The following RAPGEF6 variants were observed in gnomAD, a reference collection of about 807,000 sequenced individuals.
RAPGEF6 encodes PDZ domain containing guanine nucleotide exchange factor (GEF) 2.
Under a neutral mutation model 171.4 loss-of-function variants are expected in RAPGEF6, and 56 were observed. The ratio of observed to expected loss-of-function variants is 0.33; its 90% confidence interval spans 0.26 to 0.41. RAPGEF6 has a LOEUF of 0.41. RAPGEF6 is among the 10% of genes least tolerant of loss of function. The pLI is 1.00. For synonymous variants in RAPGEF6, 692 were observed against 650.1 expected (o/e 1.06, Z -0.98); for missense variants, 1,674 against 1,921.4 (o/e 0.87, Z 2.41).
At chr5:131,479,429 C>G in intron 16 of RAPGEF6, 84 bp downstream of exon 16, 1 of 1,486,928 alleles carries the variant, frequency 6.7e-7, no homozygotes, top group Non-Finnish European at 9.1e-7. Flanking sequence ...CAAAGCAAAA[C>G]TTACCCAAGC....
intron 6 of RAPGEF6, chr5:131,532,859 T>C (rs1759489637): frequency 6.6e-6 from 1 of 152,616 alleles, no homozygotes; most frequent in South Asian, 2.1e-4. Context: ...GATTTAAGTC[T>C]AGCTTTTCTG....
intron 10 of RAPGEF6, among the ~76,000 whole-genome samples, chr5:131,505,089 C>CTT (rs139194563): frequency 7.0e-6 from 1 of 143,670 alleles, no homozygotes; most frequent in African/African-American, 2.5e-5. Context: ...TATTTCTTTC[C>CTT]TTTTTTTTTT....
intron 6 of RAPGEF6, chr5:131,532,208 T>C (rs958968619): frequency 9.7e-6 from 4 of 410,716 alleles, no homozygotes; most frequent in African/African-American, 4.2e-5. Flanking sequence ...CAGTGATGAG[T>C]ACGGTGATAA....
At chr5:131,456,173 G>A (rs1753482597) in intron 19 of RAPGEF6, among the ~76,000 whole-genome samples, 161 bp from the exon 20 acceptor site, 1 of 152,028 alleles carries the variant, frequency 6.6e-6, no homozygotes. Context: ...AAATAAATAA[G>A]AGACTCCCTG....
chr5:131,586,276 T>C (rs1763249538), intron 4 of RAPGEF6, among the ~76,000 whole-genome samples: 3 of 152,174 alleles, frequency 2.0e-5, no homozygotes, highest in Non-Finnish European at 4.4e-5. Context: ...ATTCAGAATA[T>C]ATAAAAAATT....
intron 4 of RAPGEF6, among the ~76,000 whole-genome samples, chr5:131,563,218 A>G (rs920716990): frequency 2.6e-5 from 4 of 152,116 alleles, no homozygotes; most frequent in Non-Finnish European, 5.9e-5. Context: ...ACATATAAAT[A>G]TTACTCCAAA....
chr5:131,558,362 T>C (rs776811931), intron 5 of RAPGEF6, among the ~76,000 whole-genome samples: 61 of 152,152 alleles, frequency 4.0e-4, no homozygotes, highest in South Asian at 1.4e-3. Flanking sequence ...ATACTGATTG[T>C]ATGACATGTT....
intron 5 of RAPGEF6, among the ~76,000 whole-genome samples, chr5:131,556,361 C>T (rs1761236580): frequency 6.6e-6 from 1 of 152,056 alleles, no homozygotes; most frequent in African/African-American, 2.4e-5. Flanking sequence ...GAGCCGAGAT[C>T]ATGCCACTGC....
At chr5:131,589,960 C>G (rs1031979900) in intron 4 of RAPGEF6, among the ~76,000 whole-genome samples, 3 of 152,184 alleles carry the variant, frequency 2.0e-5, no homozygotes, top group African/African-American at 7.2e-5. Flanking sequence ...CATTCTTCAA[C>G]CAAGTCTCAA....
intron 6 of RAPGEF6, among the ~76,000 whole-genome samples, chr5:131,533,480 T>C (rs1215912823): frequency 1.3e-5 from 2 of 152,088 alleles, no homozygotes; most frequent in East Asian, 1.9e-4. Context: ...AGATGTCACA[T>C]GTATTTGTTA....
chr5:131,466,154 T>C (rs1424405809), intron 17 of RAPGEF6, among the ~76,000 whole-genome samples: 1 of 149,296 alleles, frequency 6.7e-6, no homozygotes, highest in Non-Finnish European at 1.5e-5. Context: ...TGAATATACA[T>C]GAATATAATT....
chr5:131,430,168 C>T (rs972825189), intron 26 of RAPGEF6, among the ~76,000 whole-genome samples: 4 of 151,804 alleles, frequency 2.6e-5, no homozygotes, highest in Non-Finnish European at 5.9e-5. Flanking sequence ...TAGTTAAATG[C>T]GACACCATGA....
intron 3 of RAPGEF6, 34 bp downstream of exon 3, chr5:131,603,237 G>T (rs762602462): frequency 3.5e-6 from 5 of 1,436,264 alleles, no homozygotes; most frequent in Non-Finnish European, 3.9e-6. Context: ...AAACATAAAA[G>T]TCATTAGTTT....
chr5:131,481,038 T>G (rs547936443), intron 15 of RAPGEF6, among the ~76,000 whole-genome samples: 5 of 151,928 alleles, frequency 3.3e-5, no homozygotes, highest in African/African-American at 1.2e-4. Context: ...TTCAAGAGGT[T>G]ATCCTGCCTC....
intron 4 of RAPGEF6, among the ~76,000 whole-genome samples, chr5:131,576,791 G>T (rs945764085): frequency 2.6e-5 from 4 of 152,044 alleles, no homozygotes; most frequent in African/African-American, 9.7e-5. Context: ...TGCCTCACAG[G>T]CTCATTCTAT....
chr5:131,509,171 T>C (rs1348745478), intron 8 of RAPGEF6, among the ~76,000 whole-genome samples: 2 of 152,232 alleles, frequency 1.3e-5, no homozygotes, highest in African/African-American at 4.8e-5. Context: ...CATTAACATC[T>C]TTAGTATCAT....
chr5:131,466,192 A>ATGT (rs1268943760), intron 17 of RAPGEF6, among the ~76,000 whole-genome samples: 3 of 151,862 alleles, frequency 2.0e-5, no homozygotes, highest in Non-Finnish European at 4.4e-5. Flanking sequence ...TAGCCAACAT[A>ATGT]TGTTGAATGT....
rs750037216 is a variant in RAPGEF6 at position 131,510,508 on chromosome 5, T to C, written c.628-17A>G. The C allele has an allele frequency of 3.7e-6, 6 of 1,605,554 alleles. No individual in the cohort carries two copies. Among genetic ancestry groups the C allele is most frequent in the Non-Finnish European group, 5.1e-6 (6 of 1,175,974 alleles). On this transcript the variant is annotated splice_polypyrimidine_tract_variant and intron_variant, in intron 7 of 27. Transcript: ENST00000509018. ...CTCCGTAGCCTATGAAAAGAAATCT[T>C]GATCACTTACCATTTCATGTAAAAA...
chr5:131,433,495 G>T lies in RAPGEF6; in HGVS notation c.3909C>A (p.Ser1303=). 6.2e-7 allele frequency: 1 copy of T among 1,613,922 alleles called. No homozygotes were observed. The highest frequency in any genetic ancestry group is 1.1e-5 in the South Asian group (1 of 91,062). The change falls in exon 25 of 28, where the codon TCC becomes TCA. Residue 1303 remains serine, a synonymous_variant. Transcript: ENST00000509018. ...CSSQALAVPE[S]TGALEKTEHA... ...GCTCTGTCTTTTCCAATGCCCCAGTGGATTCAGGGACTGCCAGGGCCTGAG... is the reference window on the plus strand; with the variant it reads ...GCTCTGTCTTTTCCAATGCCCCAGTTGATTCAGGGACTGCCAGGGCCTGAG...
Sources: gnomAD v4.1 joint callset for allele counts (sites outside exome capture counted in the v4.1 genomes callset) on GRCh38, gnomAD v4.1.1 for gene constraint, MANE v1.5 for transcripts, NCBI Gene and HGNC (gene_info 2026-07-23, HGNC 2026-07-21) for gene names.